The following ANKRD28 variants were observed in gnomAD, a reference collection of about 807,000 sequenced individuals.
ANKRD28 encodes the protein serine/threonine-protein phosphatase 6 regulatory ankyrin repeat subunit A.
In ANKRD28, 44 loss-of-function variants were observed where a neutral mutation model predicts 126.5. The observed-to-expected ratio is 0.35, with a 90% CI of 0.27 to 0.45. ANKRD28 has a LOEUF of 0.45. ANKRD28 is among the 20% of genes least tolerant of loss of function. ANKRD28 has a pLI of 1.00. For synonymous variants in ANKRD28, 442 were observed against 468.5 expected (o/e 0.94, Z 0.73); for missense variants, 1,110 against 1,316.6 (o/e 0.84, Z 2.43).
chr3:15,695,178 T>C lies in ANKRD28; in HGVS notation c.1686+10A>G. 2 of 1,591,710 alleles carry C rather than the reference T, an allele frequency of 1.3e-6. No homozygotes were observed. The highest frequency in any genetic ancestry group is 1.3e-5 in the African/African-American group (1 of 74,674). The stretch of plus-strand genomic sequence containing the variant: ...TACTAATTGGTGGGAGGGAATTGAC[T>C]AATACTTACAACATCTAGAGGAGTT... On this transcript the variant is annotated intron_variant, in intron 16 of 27. Coordinates refer to ENST00000683139, the MANE Select transcript of ANKRD28 (RefSeq NM_001349278.2).
At chr3:15,770,427 T>C (rs1559502903) in intron 2 of ANKRD28, among the ~76,000 whole-genome samples, 1 of 150,896 alleles carries the variant, frequency 6.6e-6, no homozygotes, top group Non-Finnish European at 1.5e-5. Flanking sequence ...TATATATATA[T>C]ATTAGATAGC....
chr3:15,751,376 A>G (rs1055747791), intron 4 of ANKRD28, among the ~76,000 whole-genome samples: 3 of 152,180 alleles, frequency 2.0e-5, no homozygotes, highest in Non-Finnish European at 4.4e-5. Context: ...GCTAAGTAAC[A>G]TTTCAATTAA....
At chr3:15,722,236 G>A (rs1207284977) in intron 7 of ANKRD28, among the ~76,000 whole-genome samples, 1 of 152,126 alleles carries the variant, frequency 6.6e-6, no homozygotes. Flanking sequence ...TGTATTTGGA[G>A]ACTGAAATCA....
chr3:15,676,437 A>T (rs1050704244), intron 26 of ANKRD28, among the ~76,000 whole-genome samples: 2 of 152,198 alleles, frequency 1.3e-5, no homozygotes, highest in African/African-American at 4.8e-5. Flanking sequence ...CCTTCAAGGG[A>T]TCTGACTAAT....
rs1382401274 is a variant in ANKRD28 at position 15,694,784 on chromosome 3, C to T, written c.1716G>A (p.Leu572=). 10 of 1,613,568 alleles carry T rather than the reference C, an allele frequency of 6.2e-6. 1 individual carries two copies. The change falls in exon 17 of 28, where the codon CTG becomes CTA. Residue 572 remains leucine, a synonymous_variant. Transcript: ENST00000683139. ...TTGTTGCTCTATTATCTGAATCACT[C>T]AGCATGTCTGTTCCTGAGGTTTCCA... is the stretch of plus-strand genomic sequence containing the variant. ...VLMETSGTDM[L]SDSDNRATIS... is the part of the protein sequence containing the mutation.
In ANKRD28 at chr3:15,796,694, A is replaced by G; in HGVS notation, c.-173T>C. 3 of 985,332 alleles carry G rather than the reference A, an allele frequency of 3.0e-6. No homozygotes were observed. The highest frequency in any genetic ancestry group is 3.6e-6 in the Non-Finnish European group (3 of 824,796). 61.0% of individuals were successfully genotyped at this position (985,332 alleles called of 1,614,324 possible). ...GTACTACTGGAAAAACAAGTTTAAA[A>G]TTATGACTACATAATTTGTAACTTC... is the stretch of plus-strand genomic sequence containing the variant. On this transcript the variant is annotated 5_prime_UTR_variant, in exon 1 of 28. Coordinates refer to ENST00000683139, the MANE Select transcript of ANKRD28 (RefSeq NM_001349278.2).
chr3:15,764,706 G>A (rs1278532290), intron 3 of ANKRD28, among the ~76,000 whole-genome samples: 1 of 152,030 alleles, frequency 6.6e-6, no homozygotes, highest in Non-Finnish European at 1.5e-5. Context: ...CCATAAACTT[G>A]AGTCCCATTA....
intron 1 of ANKRD28, among the ~76,000 whole-genome samples, chr3:15,804,874 A>G (rs1374369840): frequency 1.4e-5 from 2 of 145,650 alleles, no homozygotes; most frequent in Non-Finnish European, 3.0e-5. Flanking sequence ...AAGAAATAGA[A>G]GGATCACCTA....
At chr3:15,718,559 A>G (rs2073339654) in intron 8 of ANKRD28, among the ~76,000 whole-genome samples, 1 of 152,210 alleles carries the variant, frequency 6.6e-6, no homozygotes, top group Non-Finnish European at 1.5e-5. Flanking sequence ...ATAGTCACCT[A>G]AGTAGACACT....
intron 1 of ANKRD28, among the ~76,000 whole-genome samples, chr3:15,841,115 G>A (rs1044983605): frequency 4.6e-5 from 7 of 152,130 alleles, no homozygotes; most frequent in Non-Finnish European, 1.0e-4. Context: ...CTCCAGCCTA[G>A]GCAACAGAGC....
intron 14 of ANKRD28, among the ~76,000 whole-genome samples, chr3:15,704,240 T>A (rs1444935436): frequency 6.6e-6 from 1 of 152,138 alleles, no homozygotes; most frequent in East Asian, 1.9e-4. Context: ...TGAATGACTG[T>A]CTACCAAGAA....
At chr3:15,831,207 C>A (rs542618908) in intron 1 of ANKRD28, among the ~76,000 whole-genome samples, 1 of 152,172 alleles carries the variant, frequency 6.6e-6, no homozygotes, top group East Asian at 1.9e-4. Context: ...GCACAATCTC[C>A]CACAAACTAA....
intron 7 of ANKRD28, among the ~76,000 whole-genome samples, chr3:15,723,924 T>C (rs893812378): frequency 2.6e-5 from 4 of 152,344 alleles, no homozygotes; most frequent in South Asian, 2.1e-4. Context: ...CAGAATTATA[T>C]AGTAAGGAAT....
intron 4 of ANKRD28, among the ~76,000 whole-genome samples, chr3:15,747,232 C>CTGGGTT (rs1454023713): frequency 2.7e-5 from 4 of 149,312 alleles, no homozygotes; most frequent in Non-Finnish European, 4.5e-5. Flanking sequence ...TTTTCTTCTG[C>CTGGGTT]TGGGTTTGGG....
chr3:15,855,788 G>C (rs1238460005), intron 1 of ANKRD28, among the ~76,000 whole-genome samples: 1 of 152,162 alleles, frequency 6.6e-6, no homozygotes, highest in East Asian at 1.9e-4. Context: ...GGAAATGAAA[G>C]GTACAGCTAA....
intron 27 of ANKRD28, among the ~76,000 whole-genome samples, chr3:15,671,609 G>C (rs1200781127): frequency 2.1e-5 from 3 of 142,640 alleles, no homozygotes; most frequent in Non-Finnish European, 4.5e-5. Context: ...TTTTGAGACA[G>C]AGTCTGCTCG....
At chr3:15,818,218 A>T (rs1005182842) in intron 1 of ANKRD28, among the ~76,000 whole-genome samples, 6 of 152,124 alleles carry the variant, frequency 3.9e-5, no homozygotes, top group Non-Finnish European at 8.8e-5. Context: ...AACCCTATAT[A>T]TACTATGTTT....
rs76626838 is a variant in ANKRD28 at position 15,744,250 on chromosome 3, A to C, written c.352-7017T>G. Among the ~76,000 whole-genome samples, 704 of 152,278 alleles carry C rather than the reference A, an allele frequency of 4.6e-3. 3 individuals are homozygous for C. Among genetic ancestry groups the C allele is most frequent in the Non-Finnish European group, 6.8e-3 (462 of 68,012 alleles). On this transcript the variant is annotated intron_variant, in intron 4 of 27. Coordinates refer to ENST00000683139, the MANE Select transcript of ANKRD28 (RefSeq NM_001349278.2). ...TATCTTTTTGGAATGGCCACATTTTATAGCTGTTTCTCATAATCCTGCAAA... is the reference window on the plus strand; with the variant it reads ...TATCTTTTTGGAATGGCCACATTTTCTAGCTGTTTCTCATAATCCTGCAAA...
chr3:15,749,095 G>GTTTTTTTT lies in ANKRD28; in HGVS notation c.351+2654_351+2655insAAAAAAAA, dbSNP rs1357402514. On this transcript the variant is annotated intron_variant, in intron 4 of 27. Coordinates refer to ENST00000683139, the MANE Select transcript of ANKRD28 (RefSeq NM_001349278.2). ...ATTTTCCTTTCATATTCTATATTAT[G>GTTTTTTTT]TTTTTGTTTTTTTTTTTTTTTTTTT... Among the ~76,000 whole-genome samples, 299 of 106,954 alleles carry GTTTTTTTT rather than the reference G, an allele frequency of 2.8e-3. 57 individuals carry two copies. The highest frequency in any genetic ancestry group is 0.01 in the African/African-American group (241 of 23,686). The allele number at this position is 106,954 out of a possible 152,430, so 70.2% of individuals were successfully genotyped here.
Sources: allele counts gnomAD v4.1 joint callset (sites outside exome capture counted in the v4.1 genomes callset), GRCh38; gene constraint gnomAD v4.1.1; transcripts MANE v1.5; gene names NCBI Gene and HGNC (gene_info 2026-07-23, HGNC 2026-07-21).